FBLN2: variants seen among roughly 807,000 people sequenced by gnomAD.
FBLN2 encodes fibulin-2.
In FBLN2, 81 loss-of-function variants were observed where a neutral mutation model predicts 123.7. The ratio of observed to expected loss-of-function variants is 0.65; its 90% CI spans 0.55 to 0.79. The LOEUF (loss-of-function observed/expected upper bound fraction) is 0.79. FBLN2 is among the 30% of genes least tolerant of loss of function. FBLN2 has a pLI of 0.00. For missense variants in FBLN2, 1,603 were observed against 1,681.3 expected (o/e 0.95, Z 0.81); for synonymous variants, 699 against 701.4 (o/e 1.00, Z 0.05).
At chr3:13,550,154 G>T (rs541082733) in intron 1 of FBLN2, among the ~76,000 whole-genome samples, 1 of 152,196 alleles carries the variant, frequency 6.6e-6, no homozygotes, top group Admixed American at 6.5e-5. Flanking sequence ...AGCCCCCCTG[G>T]CACTCCATGG....
rs180753032 is a variant in FBLN2 at position 13,597,207 on chromosome 3, T to C, written c.1307-10855T>C. On this transcript the variant is annotated intron_variant, in intron 2 of 17. Transcript: ENST00000404922. ...TCAGCCTCCCAAAATGCTGGTATTA[T>C]AGGTGTGAGCCACTACATCTGGCCT... is the stretch of plus-strand genomic sequence containing the variant. Among the ~76,000 whole-genome samples the C allele has an allele frequency of 5.8e-3, 891 of 152,322 alleles. 32 individuals carry two copies. The highest frequency in any genetic ancestry group is 0.054 in the Admixed American group (825 of 15,290).
chr3:13,599,335 G>A (rs1031705763), intron 2 of FBLN2, among the ~76,000 whole-genome samples: 2 of 152,196 alleles, frequency 1.3e-5, no homozygotes, highest in Admixed American at 6.5e-5. Context: ...AGGGAGAGGT[G>A]GAAGATTCCA....
chr3:13,636,652 T>A, intron 17 of FBLN2, 84 bp downstream of exon 17: 1 of 1,490,758 alleles, frequency 6.7e-7, no homozygotes, highest in Non-Finnish European at 9.0e-7. Flanking sequence ...GATGGGCGCC[T>A]GCCTTGATCA....
chr3:13,623,506 C>T (rs1250274373), intron 9 of FBLN2, among the ~76,000 whole-genome samples: 1 of 152,222 alleles, frequency 6.6e-6, no homozygotes, highest in African/African-American at 2.4e-5. Flanking sequence ...GCCCCTCGCA[C>T]ACGTGTTCAT....
intron 5 of FBLN2, among the ~76,000 whole-genome samples, chr3:13,617,608 CA>C: frequency 6.7e-6 from 1 of 149,204 alleles, no homozygotes; most frequent in African/African-American, 2.5e-5. Flanking sequence ...TCCATCCATC[CA>C]TCCATCCATC....
intron 9 of FBLN2, among the ~76,000 whole-genome samples, chr3:13,624,644 C>T (rs75278292): frequency 0.017 from 2,584 of 152,290 alleles, 72 homozygotes; most frequent in African/African-American, 0.059. Context: ...AGACTCAGCT[C>T]GAATGTCACC....
chr3:13,577,354 C>A lies in FBLN2; in HGVS notation c.1306+5693C>A, dbSNP rs72624448. ...CGCGTGCACCTGAAAGAGGGAGCGG[C>A]GAGTGCAAAGGCCCCAGGGCAGGAA... On this transcript the variant is annotated intron_variant, in intron 2 of 17. Coordinates refer to ENST00000404922, the MANE Select transcript of FBLN2 (RefSeq NM_001004019.2). Among the ~76,000 whole-genome samples, 1,671 of 151,896 alleles carry A rather than the reference C, an allele frequency of 0.011. 160 individuals carry two copies. In the East Asian group the frequency reaches 0.23, roughly 21 times the overall value.
At chr3:13,630,913 G>A (rs1202208785) in intron 15 of FBLN2, 98 bp downstream of exon 15, 9 of 927,204 alleles carry the variant, frequency 9.7e-6, no homozygotes, top group African/African-American at 1.6e-5. Context: ...GACACAGAAA[G>A]GTTTTAGCAT....
rs1229935244 is a variant in FBLN2, at chr3:13,638,067, TCTGCCCCG to T, written c.*150_*157del. 1.3e-6 allele frequency: 1 copy of T among 761,500 alleles called. No individual in the cohort carries two copies. Among genetic ancestry groups the T allele is most frequent in the Non-Finnish European group, 2.1e-6 (1 of 469,116 alleles). The allele number at this position is 761,500 out of a possible 1,614,324, so 47.2% of individuals were successfully genotyped here. A position where few individuals can be genotyped will look rare whatever the true frequency, so the allele number is the denominator to read the frequency against. ...ACTCCTGTGGCTTCTGGACCCCTCC[TCTGCCCCG>T]CAGGAGGAAGTTCCACGGCAGGTGG... On this transcript the variant is annotated 3_prime_UTR_variant, in exon 18 of 18. Coordinates refer to ENST00000404922, the MANE Select transcript of FBLN2 (RefSeq NM_001004019.2).
At chr3:13,622,920 G>T (rs1705903993) in intron 9 of FBLN2, among the ~76,000 whole-genome samples, 1 of 152,230 alleles carries the variant, frequency 6.6e-6, no homozygotes, top group Non-Finnish European at 1.5e-5. Flanking sequence ...ATCAGTAAGG[G>T]CATGCAGCGT....
rs1470848446 is a variant in FBLN2 at position 13,621,812 on chromosome 3, C to T, written c.2193C>T (p.Ser731=). ...GCCTGATGGGTGCTCACGATTGTAGCCGGCGACAGTTCTGTGTGAACACCC... is the reference window on the plus strand; with the variant it reads ...GCCTGATGGGTGCTCACGATTGTAGTCGGCGACAGTTCTGTGTGAACACCC... ...DECLMGAHDC[S]RRQFCVNTLG... Residue 731 remains serine (S), a synonymous_variant, in exon 9 of 18, where the codon AGC becomes AGT. Coordinates refer to ENST00000404922, the MANE Select transcript of FBLN2 (RefSeq NM_001004019.2). 6.2e-7 allele frequency: 1 copy of T among 1,613,902 alleles called. No individual in the cohort carries two copies. Among genetic ancestry groups the T allele is most frequent in the African/African-American group, 1.3e-5 (1 of 74,938 alleles).
Position 13,637,715 on chromosome 3 carries a change from C to T in FBLN2, c.3492C>T (p.Ile1164=), listed in dbSNP as rs764995224. ...GPAPAFTGDT[I]ALNIIKGNEE... ...CGCCAGCCTTCACGGGGGACACCAT[C>T]GCCCTGAACATCATCAAGGGCAATG... Residue 1164 remains isoleucine, a synonymous_variant, in exon 18 of 18, where the codon ATC becomes ATT. Coordinates refer to ENST00000404922, the MANE Select transcript of FBLN2 (RefSeq NM_001004019.2). The T allele has an allele frequency of 2.1e-5, 34 of 1,613,892 alleles. No homozygotes were observed. Among genetic ancestry groups the T allele is most frequent in the East Asian group, 2.0e-4 (9 of 44,894 alleles).
chr3:13,571,685 C>T (rs1388707286), intron 2 of FBLN2, 24 bp downstream of exon 2: 8 of 1,523,140 alleles, frequency 5.3e-6, no homozygotes, highest in Non-Finnish European at 7.1e-6. Context: ...CTGGTTCCTT[C>T]AGGGCACTTT....
chr3:13,620,674 G>A (rs941108486), intron 8 of FBLN2, among the ~76,000 whole-genome samples: 2 of 152,192 alleles, frequency 1.3e-5, no homozygotes, highest in African/African-American at 4.8e-5. Context: ...CTGCCTGGGG[G>A]CAGGACAGAA....
chr3:13,594,991 G>A (rs1321601883), intron 2 of FBLN2, among the ~76,000 whole-genome samples: 1 of 152,228 alleles, frequency 6.6e-6, no homozygotes, highest in African/African-American at 2.4e-5. Flanking sequence ...CAGCTGGGGT[G>A]AGATCCTGCG....
chr3:13,596,786 C>T (rs1704856731), intron 2 of FBLN2, among the ~76,000 whole-genome samples: 1 of 151,988 alleles, frequency 6.6e-6, no homozygotes, highest in Admixed American at 6.6e-5. Flanking sequence ...TCTAAGGACC[C>T]CATACAAGTG....
intron 13 of FBLN2, 47 bp from the exon 14 acceptor site, chr3:13,629,773 T>C (rs41283997): frequency 0.035 from 54,463 of 1,538,680 alleles, 1,148 homozygotes; most frequent in Middle Eastern, 0.098. Flanking sequence ...TGGAGGGAGC[T>C]GGCTTTAGGG....
At chr3:13,555,580 G>C (rs574155268) in intron 1 of FBLN2, among the ~76,000 whole-genome samples, 181 of 152,060 alleles carry the variant, frequency 1.2e-3, no homozygotes, top group Middle Eastern at 6.8e-3. Flanking sequence ...TCAGCCTCCC[G>C]AGTAGCTGGG....
rs758316919 is a variant in FBLN2, at chr3:13,608,068, C to T, written c.1313C>T (p.Thr438Ile). 7.0e-6 allele frequency: 11 copies of T among 1,578,986 alleles called. No homozygotes were observed. In the East Asian group the frequency reaches 2.1e-4, roughly 30 times the overall value. The change falls in exon 3 of 18, where the codon ACC becomes ATC. Residue 438 changes from threonine to isoleucine, a missense_variant. Thr to Ile is a moderately conservative substitution (Grantham distance 89, BLOSUM62 -1). Coordinates refer to ENST00000404922, the MANE Select transcript of FBLN2 (RefSeq NM_001004019.2). ...CTCATGTTGCTATCCACAGGCTCCA[C>T]CAAGGACCTGATCGAGACTTGCTGC... ...SIPRSSPEGS[T>I]KDLIETCCAA...
Sources: gnomAD v4.1 joint callset for allele counts (sites outside exome capture counted in the v4.1 genomes callset) on GRCh38, gnomAD v4.1.1 for gene constraint, MANE v1.5 for transcripts, NCBI Gene and HGNC (gene_info 2026-07-23, HGNC 2026-07-21) for gene names.